The following ANTXR2 variants were observed in gnomAD, a reference collection of about 807,000 sequenced individuals.
ANTXR2 encodes ANTXR cell adhesion molecule 2, also known as anthrax toxin receptor 2.
In ANTXR2, 44 loss-of-function variants were observed where a neutral mutation model predicts 73.7. The observed-to-expected ratio is 0.60, with a 90% CI of 0.47 to 0.77. ANTXR2 has a LOEUF of 0.77. Ranked by LOEUF, ANTXR2 falls within the 30% of genes least tolerant of loss-of-function variation. The pLI is 0.00. For synonymous variants in ANTXR2, 217 were observed against 205.9 expected, an observed-to-expected ratio of 1.05 and a Z score of -0.46; for missense variants, 604 against 592.5, an observed-to-expected ratio of 1.02 and a Z score of -0.20.
chr4:80,014,755 C>T (rs917249673), intron 11 of ANTXR2, among the ~76,000 whole-genome samples: 5 of 152,120 alleles, frequency 3.3e-5, no homozygotes, highest in Admixed American at 6.5e-5. Flanking sequence ...CCCTATCACA[C>T]GGTCTCTGTA....
At chr4:80,053,789 A>C (rs1733866666) in intron 7 of ANTXR2, among the ~76,000 whole-genome samples, 1 of 151,714 alleles carries the variant, frequency 6.6e-6, no homozygotes, top group Non-Finnish European at 1.5e-5. Flanking sequence ...CAGAAATATT[A>C]TGTGCTCTAG....
chr4:79,943,731 A>T, intron 16 of ANTXR2, among the ~76,000 whole-genome samples: 1 of 139,870 alleles, frequency 7.1e-6, no homozygotes, highest in East Asian at 3.5e-4. Flanking sequence ...AACTTAGAGT[A>T]TAATAAAAAA....
chr4:80,055,499 A>C, intron 4 of ANTXR2, 32 bp from the exon 5 acceptor site: 1 of 1,546,970 alleles, frequency 6.5e-7, no homozygotes, highest in Non-Finnish European at 8.9e-7. Context: ...CCAACTCACA[A>C]TTTAATTTTA....
intron 7 of ANTXR2, among the ~76,000 whole-genome samples, chr4:80,052,886 C>G (rs1026839155): frequency 6.6e-6 from 1 of 151,416 alleles, no homozygotes; most frequent in African/African-American, 2.4e-5. Context: ...CTACTAATTC[C>G]TTGAAGGGGA....
At chr4:80,055,801 A>G in intron 4 of ANTXR2, 131 bp downstream of exon 4, 2 of 698,530 alleles carry the variant, frequency 2.9e-6, no homozygotes, top group Non-Finnish European at 4.6e-6. Context: ...TCAACTCTGG[A>G]ACAACTAAAA....
chr4:80,068,755 G>A (rs1400060647), intron 3 of ANTXR2, among the ~76,000 whole-genome samples: 1 of 152,142 alleles, frequency 6.6e-6, no homozygotes, highest in African/African-American at 2.4e-5. Flanking sequence ...CTGGGCAACA[G>A]AGAGAGACTC....
At chr4:79,913,659 C>G (rs190147337) in intron 16 of ANTXR2, among the ~76,000 whole-genome samples, 2 of 152,286 alleles carry the variant, frequency 1.3e-5, no homozygotes, top group East Asian at 3.9e-4. Flanking sequence ...CTTTCTCTCC[C>G]TATCAGTTTG....
intron 12 of ANTXR2, among the ~76,000 whole-genome samples, chr4:79,994,657 T>G (rs1730641058): frequency 6.6e-6 from 1 of 151,990 alleles, no homozygotes; most frequent in Non-Finnish European, 1.5e-5. Flanking sequence ...TTTTTTAATG[T>G]CATATTCATT....
intron 16 of ANTXR2, among the ~76,000 whole-genome samples, chr4:79,976,649 C>T (rs1729649004): frequency 6.6e-6 from 1 of 152,212 alleles, no homozygotes; most frequent in Non-Finnish European, 1.5e-5. Context: ...TAGGGTAGCC[C>T]TGCTCCACAG....
chr4:79,949,409 C>T (rs778630635), intron 16 of ANTXR2, among the ~76,000 whole-genome samples: 2 of 152,190 alleles, frequency 1.3e-5, no homozygotes, highest in Non-Finnish European at 2.9e-5. Context: ...CAGCAGCTGT[C>T]ACTGTCCCAG....
At position 80,009,846 on chromosome 4, in the gene ANTXR2, C is replaced by CA. The variant is rs932231740; in HGVS notation, c.946-1231dup. ...TGGGAGACAGAGTGAGACTCCATCT[C>CA]AAAAAAAAAAAAAAGAAAGAAAGAA... On this transcript the variant is annotated intron_variant, in intron 11 of 16. Coordinates refer to ENST00000403729, the MANE Select transcript of ANTXR2 (RefSeq NM_058172.6). Among the ~76,000 whole-genome samples, 798 of 81,978 alleles carry CA rather than the reference C, an allele frequency of 9.7e-3. 5 individuals are homozygous for CA. The highest frequency in any genetic ancestry group is 0.027 in the African/African-American group (580 of 21,764). The allele number at this position is 81,978 out of a possible 152,430, so 53.8% of individuals were successfully genotyped here. A position where few individuals can be genotyped will look rare whatever the true frequency, so the allele number is the denominator to read the frequency against.
At chr4:80,043,293 C>T (rs888206244) in intron 7 of ANTXR2, among the ~76,000 whole-genome samples, 5 of 151,884 alleles carry the variant, frequency 3.3e-5, no homozygotes, top group African/African-American at 1.2e-4. Context: ...GAATTAAATG[C>T]CTAGTTTTAA....
At chr4:79,974,654 G>A (rs936762711) in intron 16 of ANTXR2, among the ~76,000 whole-genome samples, 4 of 151,456 alleles carry the variant, frequency 2.6e-5, no homozygotes, top group African/African-American at 9.7e-5. Context: ...CATAATATTT[G>A]ATAAATAGAT....
chr4:80,054,043 C>A (rs553656957), intron 7 of ANTXR2, among the ~76,000 whole-genome samples: 7 of 151,726 alleles, frequency 4.6e-5, no homozygotes, highest in African/African-American at 1.7e-4. Context: ...AAACTTGAAA[C>A]CACAAACCCA....
chr4:80,041,714 C>T (rs536920774), intron 7 of ANTXR2, among the ~76,000 whole-genome samples: 2 of 152,150 alleles, frequency 1.3e-5, no homozygotes, highest in South Asian at 4.2e-4. Flanking sequence ...TGAGGACATG[C>T]AGTGTTTGGT....
At chr4:80,006,885 G>C (rs941536839) in intron 12 of ANTXR2, among the ~76,000 whole-genome samples, 2 of 152,100 alleles carry the variant, frequency 1.3e-5, no homozygotes, top group African/African-American at 4.8e-5. Context: ...CCACTGCAAA[G>C]TTTAAATTAA....
chr4:80,032,538 T>C (rs1732744442), intron 9 of ANTXR2, among the ~76,000 whole-genome samples: 1 of 151,876 alleles, frequency 6.6e-6, no homozygotes, highest in South Asian at 2.1e-4. Flanking sequence ...CTAAGATCCT[T>C]ACCATTTTAA....
intron 14 of ANTXR2, among the ~76,000 whole-genome samples, chr4:79,979,436 T>C (rs1179508130): frequency 6.6e-6 from 1 of 152,200 alleles, no homozygotes; most frequent in East Asian, 1.9e-4. Flanking sequence ...TCCTAAAGCA[T>C]TTTAATGATC....
rs1285877029 is a variant in ANTXR2, at chr4:80,055,482, T to C, written c.379-15A>G. 1 of 1,583,032 alleles carries C rather than the reference T, an allele frequency of 6.3e-7. No homozygotes were observed. Among genetic ancestry groups the C allele is most frequent in the Non-Finnish European group, 8.7e-7 (1 of 1,155,472 alleles). On this transcript the variant is annotated splice_polypyrimidine_tract_variant and intron_variant, in intron 4 of 16. Coordinates refer to ENST00000403729, the MANE Select transcript of ANTXR2 (RefSeq NM_058172.6). ...TGTTCATTCGCCTGAAAATGAAGAATAATTATCCAACTCACAATTTAATTT... is the reference window on the plus strand; with the variant it reads ...TGTTCATTCGCCTGAAAATGAAGAACAATTATCCAACTCACAATTTAATTT...
Sources: allele counts gnomAD v4.1 joint callset (sites outside exome capture counted in the v4.1 genomes callset), GRCh38; gene constraint gnomAD v4.1.1; transcripts MANE v1.5; gene names NCBI Gene and HGNC (gene_info 2026-07-23, HGNC 2026-07-21).